Variants in SAMD4A observed in about 807,000 individuals in gnomAD.
The protein encoded by SAMD4A is sterile alpha motif domain containing 4A.
A neutral mutation model predicts 81.3 loss-of-function variants in SAMD4A; 33 were observed. That is an observed-to-expected ratio of 0.41 (90% confidence interval 0.31 to 0.54). The LOEUF is 0.54. Among genes scored for constraint, SAMD4A ranks in the 20% least tolerant of loss-of-function variants. The pLI is 0.37. For missense variants in SAMD4A, 854 were observed against 951.1 expected (o/e 0.90, Z 1.34); for synonymous variants, 389 against 382.1 (o/e 1.02, Z -0.21).
chr14:54,742,724 G>T (rs2037875743), intron 4 of SAMD4A, among the ~76,000 whole-genome samples: 1 of 152,144 alleles, frequency 6.6e-6, no homozygotes, highest in African/African-American at 2.4e-5. Context: ...ATGATGTTTG[G>T]CATTATGTTA....
chr14:54,708,648 TGA>T (rs2036915332), intron 3 of SAMD4A, among the ~76,000 whole-genome samples: 1 of 152,166 alleles, frequency 6.6e-6, no homozygotes. Flanking sequence ...GAGAAACCCT[TGA>T]GGTTGGAGAA....
At chr14:54,684,606 A>G (rs978588919) in intron 2 of SAMD4A, among the ~76,000 whole-genome samples, 1 of 68,758 alleles carries the variant, frequency 1.5e-5, no homozygotes, top group Admixed American at 1.4e-4. Flanking sequence ...TTGGCCAGAC[A>G]CCCCCGCCCC....
rs758565377 is a variant in SAMD4A at position 54,774,963 on chromosome 14, C to T, written c.1745C>T (p.Pro582Leu). ...GGCTTTGGGCAATCCAACTCCCTCC[C>T]GACGGCTGGCTCTGTGGGCGGTGGC... ...NRGFGQSNSL[P>L]TAGSVGGGMG... The change falls in exon 10 of 13, where the codon CCG (proline) becomes CTG (leucine). Residue 582 changes from proline to leucine, a missense_variant. Physicochemically the swap from Pro to Leu is moderately conservative, Grantham distance 98. Coordinates refer to ENST00000554335, the MANE Select transcript of SAMD4A (RefSeq NM_015589.6). 6.2e-5 allele frequency: 100 copies of T among 1,614,108 alleles called. No individual in the cohort carries two copies. Among genetic ancestry groups the T allele is most frequent in the Non-Finnish European group, 7.0e-5 (83 of 1,180,048 alleles).
chr14:54,788,812 C>G, intron 12 of SAMD4A, 104 bp from the exon 13 acceptor site: 1 of 1,381,030 alleles, frequency 7.2e-7, no homozygotes, highest in Non-Finnish European at 1.0e-6. Context: ...CCCTTCTCTG[C>G]CCTCAGAGGC....
intron 2 of SAMD4A, among the ~76,000 whole-genome samples, chr14:54,644,804 T>C (rs2035251056): frequency 3.3e-5 from 5 of 152,152 alleles, no homozygotes; most frequent in Admixed American, 3.3e-4. Context: ...AAAGCATAAA[T>C]TGAGAAGTCA....
At chr14:54,674,188 G>A in intron 2 of SAMD4A, among the ~76,000 whole-genome samples, 1 of 152,256 alleles carries the variant, frequency 6.6e-6, no homozygotes, top group Non-Finnish European at 1.5e-5. Context: ...GAGTCGGCAA[G>A]AAGCCTGGCA....
chr14:54,715,915 C>A (rs1181907796), intron 3 of SAMD4A, among the ~76,000 whole-genome samples: 2 of 152,014 alleles, frequency 1.3e-5, no homozygotes, highest in Non-Finnish European at 2.9e-5. Flanking sequence ...GATGATGAAA[C>A]TTCAGGAGCA....
intron 2 of SAMD4A, among the ~76,000 whole-genome samples, chr14:54,659,006 G>A (rs1227745782): frequency 6.6e-6 from 1 of 152,208 alleles, no homozygotes; most frequent in South Asian, 2.1e-4. Flanking sequence ...TGTAAATCAA[G>A]AATGCCTGGC....
At chr14:54,615,872 A>G (rs1007619981) in intron 2 of SAMD4A, among the ~76,000 whole-genome samples, 1 of 152,180 alleles carries the variant, frequency 6.6e-6, no homozygotes, top group Admixed American at 6.5e-5. Context: ...TTTAATACGT[A>G]TAGGGACCCT....
At chr14:54,688,641 A>G (rs2140642443) in intron 2 of SAMD4A, among the ~76,000 whole-genome samples, 2 of 152,270 alleles carry the variant, frequency 1.3e-5, no homozygotes, top group Middle Eastern at 3.4e-3. Flanking sequence ...TAGAAATATT[A>G]TGACATTTTG....
At chr14:54,599,464 T>A (rs531012755) in intron 2 of SAMD4A, among the ~76,000 whole-genome samples, 1 of 152,314 alleles carries the variant, frequency 6.6e-6, no homozygotes, top group African/African-American at 2.4e-5. Context: ...TAAGAAATAT[T>A]TTTTCTCTGC....
intron 6 of SAMD4A, among the ~76,000 whole-genome samples, chr14:54,757,006 AT>A (rs2038257001): frequency 6.6e-6 from 1 of 152,200 alleles, no homozygotes; most frequent in Admixed American, 6.5e-5. Flanking sequence ...GTGGGATTAT[AT>A]TTTTGGTATG....
At chr14:54,602,661 T>C (rs113790254) in intron 2 of SAMD4A, among the ~76,000 whole-genome samples, 18 of 146,650 alleles carry the variant, frequency 1.2e-4, no homozygotes, top group Admixed American at 2.1e-4. Context: ...GTGGGGGGAG[T>C]GGGGAGGGAT....
chr14:54,680,844 C>A (rs887768423), intron 2 of SAMD4A, among the ~76,000 whole-genome samples: 8 of 152,186 alleles, frequency 5.3e-5, no homozygotes, highest in Non-Finnish European at 1.0e-4. Context: ...TCTGGAGTCT[C>A]TTCTCCCCTC....
intron 2 of SAMD4A, among the ~76,000 whole-genome samples, chr14:54,569,121 G>A (rs1278993280): frequency 6.6e-6 from 1 of 152,064 alleles, no homozygotes; most frequent in East Asian, 1.9e-4. Flanking sequence ...CAGTGTTTAT[G>A]CAGAGAAAAG....
At chr14:54,754,245 C>T (rs1161217385) in intron 6 of SAMD4A, among the ~76,000 whole-genome samples, 1 of 152,174 alleles carries the variant, frequency 6.6e-6, no homozygotes, top group East Asian at 1.9e-4. Flanking sequence ...TTCCGTGTCC[C>T]AGATTTTGCA....
At chr14:54,692,359 T>C (rs919553316) in intron 2 of SAMD4A, among the ~76,000 whole-genome samples, 3 of 152,226 alleles carry the variant, frequency 2.0e-5, no homozygotes, top group African/African-American at 7.2e-5. Flanking sequence ...ATTCAGTCTG[T>C]TTATACTCCT....
intron 3 of SAMD4A, among the ~76,000 whole-genome samples, chr14:54,713,203 T>G (rs373838451): frequency 3.3e-5 from 5 of 152,172 alleles, no homozygotes; most frequent in African/African-American, 1.2e-4. Context: ...ATCTTTAATT[T>G]CAAAAAATTA....
chr14:54,748,697 TTC>T, intron 4 of SAMD4A, 116 bp from the exon 5 acceptor site: 1 of 681,536 alleles, frequency 1.5e-6, no homozygotes, highest in Admixed American at 2.7e-5. Context: ...GTGTTACTTT[TTC>T]TTTTTTTTTC....
Sources: allele counts gnomAD v4.1 joint callset (sites outside exome capture counted in the v4.1 genomes callset), GRCh38; gene constraint gnomAD v4.1.1; transcripts MANE v1.5; gene names NCBI Gene and HGNC (gene_info 2026-07-23, HGNC 2026-07-21).